The following KAZN variants were observed in gnomAD, a reference collection of about 807,000 sequenced individuals.
The protein encoded by KAZN is kazrin.
In KAZN, 40 loss-of-function variants were observed where a neutral mutation model predicts 87.4. That is an observed-to-expected ratio of 0.46 (90% CI 0.36 to 0.60). The LOEUF is 0.60. Ranked by LOEUF, KAZN falls within the 20% of genes least tolerant of loss-of-function variation. KAZN has a pLI of 0.00. For missense variants in KAZN, 898 were observed against 1,073.9 expected, an observed-to-expected ratio of 0.84 and a Z score of 2.29; for synonymous variants, 466 against 458.3, an observed-to-expected ratio of 1.02 and a Z score of -0.22.
intron 1 of KAZN, among the ~76,000 whole-genome samples, chr1:14,082,789 A>G (rs12409466): frequency 0.1 from 15,157 of 152,272 alleles, 927 homozygotes; most frequent in East Asian, 0.13. Context: ...TTTCCAGAGT[A>G]GAAATCCGAT....
intron 1 of KAZN, among the ~76,000 whole-genome samples, chr1:14,117,799 T>C (rs966114521): frequency 1.3e-5 from 2 of 152,122 alleles, no homozygotes; most frequent in African/African-American, 4.8e-5. Context: ...TGTAAGGGGT[T>C]CTTGTTGCAG....
At chr1:14,125,174 C>T (rs1181056764) in intron 1 of KAZN, among the ~76,000 whole-genome samples, 1 of 152,148 alleles carries the variant, frequency 6.6e-6, no homozygotes, top group East Asian at 1.9e-4. Flanking sequence ...GCATCCTGTG[C>T]TCTGTGGGAT....
At chr1:14,948,386 C>T (rs1662087426) in intron 1 of KAZN, among the ~76,000 whole-genome samples, 1 of 152,198 alleles carries the variant, frequency 6.6e-6, no homozygotes, top group African/African-American at 2.4e-5. Flanking sequence ...AGGCTCCATC[C>T]TCACAGCCTG....
intron 1 of KAZN, among the ~76,000 whole-genome samples, chr1:14,781,214 C>T (rs371281333): frequency 3.1e-4 from 47 of 152,248 alleles, no homozygotes; most frequent in African/African-American, 1.1e-3. Flanking sequence ...CCCAGCTACT[C>T]GGGAGGCTGA....
intron 1 of KAZN, among the ~76,000 whole-genome samples, chr1:13,970,688 A>T (rs963406517): frequency 2.0e-5 from 3 of 152,176 alleles, no homozygotes; most frequent in Non-Finnish European, 2.9e-5. Flanking sequence ...ATGTCAAAAC[A>T]TCTCTTTTCC....
intron 2 of KAZN, chr1:14,390,542 A>G (rs776738851): frequency 3.3e-5 from 5 of 152,222 alleles, no homozygotes; most frequent in Non-Finnish European, 7.3e-5. Flanking sequence ...GCATTTGTGA[A>G]TGCCCTGAGG....
chr1:14,110,204 G>T (rs949896290), intron 1 of KAZN, among the ~76,000 whole-genome samples: 1 of 152,290 alleles, frequency 6.6e-6, no homozygotes, highest in East Asian at 1.9e-4. Context: ...ACTTCAGCTG[G>T]ATGTTCCGTT....
chr1:14,959,437 G>T (rs552639284), intron 1 of KAZN, among the ~76,000 whole-genome samples: 1 of 152,202 alleles, frequency 6.6e-6, no homozygotes, highest in East Asian at 1.9e-4. Context: ...AGAGGGAGAG[G>T]ATGTAGGCAG....
At chr1:14,630,353 G>C (rs879537803) in intron 1 of KAZN, among the ~76,000 whole-genome samples, 3 of 152,036 alleles carry the variant, frequency 2.0e-5, no homozygotes, top group African/African-American at 4.8e-5. Context: ...GTTCAAGCTG[G>C]GGCCTTTCAG....
At chr1:14,459,584 T>C (rs1667751506) in intron 2 of KAZN, among the ~76,000 whole-genome samples, 1 of 152,166 alleles carries the variant, frequency 6.6e-6, no homozygotes. Context: ...CCAGCCTATC[T>C]GGAAAGCATG....
chr1:14,447,208 C>CATCATTATTATTATT (rs1438327123), intron 2 of KAZN, among the ~76,000 whole-genome samples: 9 of 131,182 alleles, frequency 6.9e-5, no homozygotes, highest in Non-Finnish European at 1.3e-4. Context: ...GTTTCCACCA[C>CATCATTATTATTATT]ATTATTATTA....
At chr1:15,072,752 T>G (rs915658660) in intron 8 of KAZN, among the ~76,000 whole-genome samples, 2 of 152,192 alleles carry the variant, frequency 1.3e-5, no homozygotes, top group African/African-American at 4.8e-5. Flanking sequence ...GGAACTGGGA[T>G]TCACCTCTAG....
intron 1 of KAZN, among the ~76,000 whole-genome samples, chr1:14,837,196 T>C (rs1273310629): frequency 6.6e-6 from 1 of 152,242 alleles, no homozygotes; most frequent in East Asian, 1.9e-4. Flanking sequence ...ATCCCTGCTG[T>C]TGTTGTTGCT....
chr1:14,893,982 T>C (rs1654996983), intron 1 of KAZN, among the ~76,000 whole-genome samples: 2 of 152,156 alleles, frequency 1.3e-5, no homozygotes, highest in African/African-American at 4.8e-5. Context: ...GAGGTGCTAG[T>C]TGATGAAGAG....
At chr1:14,056,279 G>A (rs571760919) in intron 1 of KAZN, among the ~76,000 whole-genome samples, 2 of 152,326 alleles carry the variant, frequency 1.3e-5, no homozygotes, top group East Asian at 1.9e-4. Context: ...GAAATGAGGA[G>A]ATTCTCCCAG....
chr1:15,060,386 C>A, intron 6 of KAZN, 84 bp downstream of exon 6: 1 of 1,555,750 alleles, frequency 6.4e-7, no homozygotes, highest in Non-Finnish European at 8.8e-7. Flanking sequence ...AAGCCATACT[C>A]GCTGTTTCCT....
chr1:14,501,631 T>C (rs1255148430), intron 2 of KAZN, among the ~76,000 whole-genome samples: 2 of 152,150 alleles, frequency 1.3e-5, no homozygotes, highest in African/African-American at 2.4e-5. Context: ...AACATGTTGA[T>C]GGAAATTAAG....
chr1:14,810,820 G>C (rs942067986), intron 1 of KAZN, among the ~76,000 whole-genome samples: 1 of 152,154 alleles, frequency 6.6e-6, no homozygotes, highest in African/African-American at 2.4e-5. Flanking sequence ...GAGAAAACCA[G>C]CCTCCCAGGG....
chr1:14,321,515 C>A (rs1656049831), intron 2 of KAZN, among the ~76,000 whole-genome samples: 1 of 152,084 alleles, frequency 6.6e-6, no homozygotes, highest in Non-Finnish European at 1.5e-5. Context: ...ATTTAATTAC[C>A]AAGGAAGTGA....
Sources: allele counts gnomAD v4.1 joint callset (sites outside exome capture counted in the v4.1 genomes callset), GRCh38; gene constraint gnomAD v4.1.1; transcripts MANE v1.5; gene names NCBI Gene and HGNC (gene_info 2026-07-23, HGNC 2026-07-21).